Variants in NREP observed in about 807,000 individuals in gnomAD.
The protein encoded by NREP is neuronal regeneration related protein, also known as neuronal regeneration-related protein.
In NREP, 5 loss-of-function variants were observed where a neutral mutation model predicts 8.6. The observed-to-expected ratio is 0.58, with a 90% CI of 0.30 to 1.22. The LOEUF is 1.22. Among genes scored for constraint, NREP ranks in the 50% most tolerant of loss-of-function variants. NREP has a pLI of 0.07. For synonymous variants in NREP, 27 were observed against 28.0 expected, an observed-to-expected ratio of 0.96 and a Z score of 0.11; for missense variants, 86 against 82.5, an observed-to-expected ratio of 1.04 and a Z score of -0.17.
chr5:111,734,450 A>G, intron 3 of NREP: 1 of 309,832 alleles, frequency 3.2e-6, no homozygotes, highest in South Asian at 6.7e-5. Flanking sequence ...CATTTTGTTC[A>G]CCTACTTTCC....
At chr5:111,851,159 C>T (rs1753299190) in intron 2 of NREP, among the ~76,000 whole-genome samples, 3 of 152,172 alleles carry the variant, frequency 2.0e-5, no homozygotes, top group Admixed American at 2.0e-4. Context: ...CTCTGTACCT[C>T]TGCCTACATT....
chr5:111,806,651 G>A (rs1386197245), intron 2 of NREP, among the ~76,000 whole-genome samples: 1 of 152,152 alleles, frequency 6.6e-6, no homozygotes, highest in Non-Finnish European at 1.5e-5. Flanking sequence ...ATTAAGCATC[G>A]AATTCAGTCC....
intron 2 of NREP, among the ~76,000 whole-genome samples, chr5:111,898,066 C>G (rs192993469): frequency 4.7e-4 from 72 of 152,148 alleles, no homozygotes; most frequent in African/African-American, 1.6e-3. Flanking sequence ...TAACATGTAC[C>G]TGGATCATTT....
intron 2 of NREP, among the ~76,000 whole-genome samples, chr5:111,953,540 C>A (rs974677276): frequency 1.3e-5 from 2 of 152,054 alleles, no homozygotes; most frequent in African/African-American, 2.4e-5. Context: ...ATCATGAGTT[C>A]GTGCACTATT....
chr5:111,935,568 G>T (rs772801840), intron 2 of NREP, among the ~76,000 whole-genome samples: 2 of 152,026 alleles, frequency 1.3e-5, no homozygotes, highest in African/African-American at 2.4e-5. Context: ...AGAGATAAAG[G>T]CAGCTTGATC....
chr5:111,946,633 A>G (rs1375585021), intron 2 of NREP, among the ~76,000 whole-genome samples: 1 of 151,994 alleles, frequency 6.6e-6, no homozygotes, highest in African/African-American at 2.4e-5. Context: ...CCCTCAGTAC[A>G]GCCTCTATCA....
intron 2 of NREP, among the ~76,000 whole-genome samples, chr5:111,955,270 A>C (rs1017259587): frequency 1.3e-5 from 2 of 152,110 alleles, no homozygotes; most frequent in African/African-American, 4.8e-5. Flanking sequence ...TTCAAAGAGA[A>C]ATATTATTCT....
At chr5:111,878,034 A>G (rs1013813669) in intron 2 of NREP, among the ~76,000 whole-genome samples, 9 of 152,200 alleles carry the variant, frequency 5.9e-5, no homozygotes, top group African/African-American at 2.2e-4. Context: ...CAGGTTAGAG[A>G]TATGGAACTG....
At chr5:111,885,669 A>T (rs897367582) in intron 2 of NREP, among the ~76,000 whole-genome samples, 1 of 152,130 alleles carries the variant, frequency 6.6e-6, no homozygotes, top group Admixed American at 6.5e-5. Context: ...ATAATGCCGC[A>T]TATCTTCAAC....
At chr5:111,920,816 G>C (rs1755216839) in intron 2 of NREP, among the ~76,000 whole-genome samples, 1 of 152,130 alleles carries the variant, frequency 6.6e-6, no homozygotes, top group Non-Finnish European at 1.5e-5. Flanking sequence ...GGATGTGCCT[G>C]GTTCAAGGTA....
At chr5:111,925,067 A>C (rs1449449619) in intron 2 of NREP, among the ~76,000 whole-genome samples, 1 of 152,072 alleles carries the variant, frequency 6.6e-6, no homozygotes, top group Non-Finnish European at 1.5e-5. Flanking sequence ...GTGCTACGGG[A>C]AGAGGGGAAG....
intron 2 of NREP, among the ~76,000 whole-genome samples, chr5:111,752,819 T>C (rs913095826): frequency 2.0e-5 from 3 of 152,210 alleles, no homozygotes; most frequent in Non-Finnish European, 2.9e-5. Flanking sequence ...AAGGCAATCA[T>C]GTTGAAAACC....
At chr5:111,767,954 G>A (rs919531870) in intron 2 of NREP, among the ~76,000 whole-genome samples, 2 of 152,100 alleles carry the variant, frequency 1.3e-5, no homozygotes, top group African/African-American at 4.8e-5. Flanking sequence ...TGTGAGCCAT[G>A]GTACCTAGCC....
chr5:111,831,502 C>T (rs948491487), intron 2 of NREP, among the ~76,000 whole-genome samples: 2 of 152,162 alleles, frequency 1.3e-5, no homozygotes, highest in Non-Finnish European at 2.9e-5. Flanking sequence ...TCGCTCTTCT[C>T]ATCATCCACA....
At chr5:111,931,046 T>G (rs1042205637) in intron 2 of NREP, among the ~76,000 whole-genome samples, 1 of 152,020 alleles carries the variant, frequency 6.6e-6, no homozygotes, top group Non-Finnish European at 1.5e-5. Flanking sequence ...CAGAAAGAAT[T>G]TGGATCTTTG....
chr5:111,801,318 G>C (rs1478477803), intron 2 of NREP, among the ~76,000 whole-genome samples: 1 of 152,160 alleles, frequency 6.6e-6, no homozygotes, highest in Non-Finnish European at 1.5e-5. Flanking sequence ...GGGGTGCTGA[G>C]AGAGGGGGTG....
At chr5:111,792,850 T>C (rs920767732) in intron 2 of NREP, among the ~76,000 whole-genome samples, 11 of 152,236 alleles carry the variant, frequency 7.2e-5, no homozygotes, top group Non-Finnish European at 1.3e-4. Context: ...AAAATGTGGC[T>C]GGCACTTGGT....
chr5:111,757,758 C>G, upstream of NREP: 2 of 982,824 alleles, frequency 2.0e-6, no homozygotes, highest in Non-Finnish European at 2.4e-6. Flanking sequence ...GCGCAAATCC[C>G]CGGCCTTCCT....
chr5:111,961,120 C>A (rs1334416249), intron 2 of NREP, among the ~76,000 whole-genome samples: 1 of 152,076 alleles, frequency 6.6e-6, no homozygotes, highest in Non-Finnish European at 1.5e-5. Context: ...AAGCTGAGGC[C>A]CAAAGAGGTG....
Sources: allele counts gnomAD v4.1 joint callset (sites outside exome capture counted in the v4.1 genomes callset), GRCh38; gene constraint gnomAD v4.1.1; transcripts MANE v1.5; gene names NCBI Gene and HGNC (gene_info 2026-07-23, HGNC 2026-07-21).